SMG6: variants seen among roughly 807,000 people sequenced by gnomAD.
The protein encoded by SMG6 is telomerase-binding protein EST1A.
In SMG6, 66 loss-of-function variants were observed where a neutral mutation model predicts 142.2. The observed-to-expected ratio is 0.46, with a 90% CI of 0.38 to 0.57. The LOEUF (loss-of-function observed/expected upper bound fraction) is 0.57, where lower values mean the gene tolerates loss of function less well. Ranked by LOEUF, SMG6 falls within the 20% of genes least tolerant of loss-of-function variation. SMG6 has a pLI of 0.00. For missense variants in SMG6, 1,793 were observed against 1,832.0 expected (o/e 0.98, Z 0.39); for synonymous variants, 779 against 702.4 (o/e 1.11, Z -1.72).
At chr17:2,188,637 G>C in intron 10 of SMG6, 122 bp from the exon 11 acceptor site, 1 of 792,608 alleles carries the variant, frequency 1.3e-6, no homozygotes, top group Non-Finnish European at 2.1e-6. Flanking sequence ...CTCTCTCAGA[G>C]TGGTCATAAG....
intron 10 of SMG6, among the ~76,000 whole-genome samples, chr17:2,189,611 T>C (rs2072097873): frequency 6.6e-6 from 1 of 152,190 alleles, no homozygotes; most frequent in Non-Finnish European, 1.5e-5. Context: ...CCTGCCTGTA[T>C]TTTAACCTCA....
rs1396365142 is a variant in SMG6 at position 2,126,073 on chromosome 17, T to C, written c.3358-40172A>G. Among the ~76,000 whole-genome samples the C allele has an allele frequency of 2.0e-5, 3 of 151,796 alleles. No individual in the cohort carries two copies. The South Asian group carries it at 6.2e-4, about 32-fold the overall frequency. ...TGGATTTCAAAACTTACTGCAAAAC[T>C]ATACTAATCAAAACGGTGTGGTACT... On this transcript the variant is annotated intron_variant, in intron 13 of 18. Transcript: ENST00000263073.
At chr17:2,235,064 G>A (rs72819560) in intron 10 of SMG6, among the ~76,000 whole-genome samples, 2 of 152,174 alleles carry the variant, frequency 1.3e-5, no homozygotes, top group Non-Finnish European at 2.9e-5. Flanking sequence ...CCAGAGTCAG[G>A]TGGGCTTCCT....
At chr17:2,266,042 AG>A (rs2151345109) in intron 8 of SMG6, 1 of 985,406 alleles carries the variant, frequency 1.0e-6, no homozygotes, top group Non-Finnish European at 1.2e-6. Context: ...ACACTTTACC[AG>A]GAAGAGCACA....
rs755361927 is a variant in SMG6 at position 2,300,305 on chromosome 17, G to C, written c.448C>G (p.Arg150Gly). 9 of 1,613,844 alleles carry C rather than the reference G, an allele frequency of 5.6e-6. No homozygotes were observed. The highest frequency in any genetic ancestry group is 1.3e-5 in the African/African-American group (1 of 74,872). ...TCTTTGCTAACAGTCTGCAAACGTC[G>C]TCCAGGCTGATAGATCTGCAGGTCG... is the stretch of plus-strand genomic sequence containing the variant. ...KPDLQIYQPG[R>G]RLQTVSKESA... Residue 150 changes from arginine to glycine, a missense_variant, in exon 2 of 19, where the codon CGA becomes GGA. Physicochemically the swap from Arg to Gly is moderately radical, Grantham distance 125. Transcript: ENST00000263073.
intron 13 of SMG6, among the ~76,000 whole-genome samples, chr17:2,120,980 A>T (rs1043542965): frequency 6.6e-6 from 1 of 152,172 alleles, no homozygotes; most frequent in African/African-American, 2.4e-5. Context: ...CTTAAAAAAA[A>T]GCGGGGGGCA....
intron 5 of SMG6, 89 bp from the exon 6 acceptor site, chr17:2,292,719 G>T: frequency 6.6e-7 from 1 of 1,524,008 alleles, no homozygotes; most frequent in Non-Finnish European, 9.1e-7. Context: ...AAAACATAAG[G>T]TAGAGTGTTA....
chr17:2,276,480 G>T (rs2074652008), intron 8 of SMG6, among the ~76,000 whole-genome samples: 1 of 152,200 alleles, frequency 6.6e-6, no homozygotes, highest in East Asian at 1.9e-4. Flanking sequence ...CATTTTCCAG[G>T]TTCAAGTGAT....
At chr17:2,175,841 T>C (rs1241576782) in intron 12 of SMG6, among the ~76,000 whole-genome samples, 3 of 152,228 alleles carry the variant, frequency 2.0e-5, no homozygotes, top group Admixed American at 6.5e-5. Context: ...TTAATTCAAA[T>C]TGGTCTTGTG....
chr17:2,207,479 G>A (rs184001652), intron 10 of SMG6, among the ~76,000 whole-genome samples: 109 of 152,190 alleles, frequency 7.2e-4, no homozygotes, highest in African/African-American at 2.6e-3. Context: ...CTTTACAGCT[G>A]ATCATGAACG....
chr17:2,261,623 A>G (rs2074316889), intron 8 of SMG6, among the ~76,000 whole-genome samples: 1 of 152,220 alleles, frequency 6.6e-6, no homozygotes, highest in East Asian at 1.9e-4. Context: ...GTGCTATAAT[A>G]AACAACTTTC....
chr17:2,257,232 C>A (rs770482612), intron 8 of SMG6, among the ~76,000 whole-genome samples: 1 of 152,146 alleles, frequency 6.6e-6, no homozygotes. Flanking sequence ...ACTACAGGCA[C>A]GTGCCACCAC....
chr17:2,194,978 G>C (rs7217687), intron 10 of SMG6, among the ~76,000 whole-genome samples: 62,204 of 152,022 alleles, frequency 0.41, 13,116 homozygotes, highest in African/African-American at 0.49. Context: ...TCTGGGCCAA[G>C]TCCTGTCTTT....
chr17:2,080,297 A>G lies in SMG6; in HGVS notation c.3681+1513T>C, dbSNP rs924779100. On this transcript the variant is annotated intron_variant, in intron 15 of 18. Transcript: ENST00000263073. ...GCTGGGCATGGTGGCAGGCATCTGT[A>G]ATTCCAGCTACTCTGGAGGCTGAGG... 2.0e-5 allele frequency among the ~76,000 whole-genome samples: 3 copies of G among 151,910 alleles called. No individual in the cohort carries two copies. The South Asian group carries it at 6.2e-4, about 31-fold the overall frequency.
chr17:2,180,643 G>C (rs1404433470), intron 12 of SMG6, among the ~76,000 whole-genome samples: 1 of 152,092 alleles, frequency 6.6e-6, no homozygotes, highest in Non-Finnish European at 1.5e-5. Flanking sequence ...GGAAACTCAA[G>C]ATGAACCCTG....
Position 2,242,387 on chromosome 17 carries a change from G to A in SMG6, c.2723+2271C>T, listed in dbSNP as rs574558425. Among the ~76,000 whole-genome samples the A allele has an allele frequency of 1.3e-4, 19 of 145,372 alleles. 1 individual carries two copies. The highest frequency in any genetic ancestry group is 4.1e-4 in the African/African-American group (15 of 36,698). ...AAAAAAAAAAAAAAAAAAATTAGTC[G>A]GGCATGGTGGCAGGCACCTGTAGTC... On this transcript the variant is annotated intron_variant, in intron 9 of 18. Coordinates refer to ENST00000263073, the MANE Select transcript of SMG6 (RefSeq NM_017575.5).
intron 8 of SMG6, among the ~76,000 whole-genome samples, chr17:2,259,119 G>C (rs558816699): frequency 6.6e-6 from 1 of 151,702 alleles, no homozygotes; most frequent in Admixed American, 6.6e-5. Context: ...GCAGAACCGA[G>C]ACAGACACGG....
rs568642997 is a variant in SMG6, at chr17:2,174,250, A to C, written c.3156-1391T>G. On this transcript the variant is annotated intron_variant, in intron 12 of 18. Transcript: ENST00000263073. ...CCTCTTGCTAAAAACAACAAAGAAG[A>C]ATCATCCTGGAATCTCCCCAGTGGA... Among the ~76,000 whole-genome samples the C allele has an allele frequency of 2.4e-3, 370 of 152,294 alleles. 1 individual carries two copies. Among genetic ancestry groups the C allele is most frequent in the African/African-American group, 8.2e-3 (339 of 41,566 alleles).
chr17:2,117,896 G>C (rs2069556081), intron 13 of SMG6: 1 of 152,132 alleles, frequency 6.6e-6, no homozygotes, highest in African/African-American at 2.4e-5. Flanking sequence ...GATATAACTT[G>C]ATATCCATAT....
Sources: gnomAD v4.1 joint callset for allele counts (sites outside exome capture counted in the v4.1 genomes callset) on GRCh38, gnomAD v4.1.1 for gene constraint, MANE v1.5 for transcripts, NCBI Gene and HGNC (gene_info 2026-07-23, HGNC 2026-07-21) for gene names.